The following SHISA9 variants were observed in gnomAD, a reference collection of about 807,000 sequenced individuals.
SHISA9 encodes shisa family member 9.
A neutral mutation model predicts 38.0 loss-of-function variants in SHISA9; 13 were observed. The ratio of observed to expected loss-of-function variants is 0.34; its 90% CI spans 0.22 to 0.54. SHISA9 has a LOEUF of 0.54. SHISA9 is among the 20% of genes least tolerant of loss of function. SHISA9 has a pLI of 0.91. For missense variants in SHISA9, 538 were observed against 575.8 expected, an observed-to-expected ratio of 0.93 and a Z score of 0.67; for synonymous variants, 275 against 242.0, an observed-to-expected ratio of 1.14 and a Z score of -1.27.
At chr16:13,548,532 T>C in the SHISA9 span, among the ~76,000 whole-genome samples, 1 of 152,086 alleles carries the variant, frequency 6.6e-6, no homozygotes, top group Non-Finnish European at 1.5e-5. Flanking sequence ...AGTATTCTAA[T>C]TAAAAAGGGG....
At chr16:13,325,264 T>C in the SHISA9 span, among the ~76,000 whole-genome samples, 3 of 152,228 alleles carry the variant, frequency 2.0e-5, no homozygotes, top group Non-Finnish European at 4.4e-5. Flanking sequence ...ACCTGTCGTG[T>C]GTCATGTCAT....
chr16:13,431,596 G>A, the SHISA9 span, among the ~76,000 whole-genome samples: 1 of 152,076 alleles, frequency 6.6e-6, no homozygotes, highest in African/African-American at 2.4e-5. Context: ...ACAATGCCCA[G>A]TGGTCCATTT....
intron 2 of SHISA9, among the ~76,000 whole-genome samples, chr16:13,196,281 C>T (rs1355058498): frequency 1.3e-5 from 2 of 149,676 alleles, no homozygotes; most frequent in African/African-American, 4.9e-5. Flanking sequence ...CCTGTAGTTC[C>T]AGCTACTCGG....
chr16:13,258,782 A>G, the SHISA9 span, among the ~76,000 whole-genome samples: 2 of 152,364 alleles, frequency 1.3e-5, no homozygotes, highest in Non-Finnish European at 2.9e-5. Flanking sequence ...GAAAGAGAAT[A>G]GCATGGGAAA....
chr16:13,366,857 C>T, the SHISA9 span, among the ~76,000 whole-genome samples: 1 of 151,742 alleles, frequency 6.6e-6, no homozygotes, highest in African/African-American at 2.4e-5. Context: ...GTGGCACATG[C>T]CTGTAATCCT....
the SHISA9 span, among the ~76,000 whole-genome samples, chr16:13,306,389 A>C: frequency 6.6e-6 from 1 of 152,186 alleles, no homozygotes; most frequent in Admixed American, 6.5e-5. Flanking sequence ...GATCTCGGTC[A>C]TGTGCCATAC....
intron 2 of SHISA9, among the ~76,000 whole-genome samples, chr16:13,101,867 CTAAA>C (rs2073882260): frequency 6.6e-6 from 1 of 152,128 alleles, no homozygotes; most frequent in African/African-American, 2.4e-5. Flanking sequence ...TCAATTAAAA[CTAAA>C]TAAATAAATA....
chr16:12,915,151 A>C (rs773149353), intron 1 of SHISA9, among the ~76,000 whole-genome samples: 2 of 152,172 alleles, frequency 1.3e-5, no homozygotes. Flanking sequence ...TCTGTGGTAC[A>C]GAGGAGGCCG....
At chr16:13,363,343 G>A in the SHISA9 span, among the ~76,000 whole-genome samples, 5 of 152,188 alleles carry the variant, frequency 3.3e-5, no homozygotes, top group African/African-American at 7.2e-5. Flanking sequence ...TTCGTTTGCC[G>A]TTTTATTCCA....
At chr16:13,335,874 A>G in the SHISA9 span, among the ~76,000 whole-genome samples, 1 of 152,182 alleles carries the variant, frequency 6.6e-6, no homozygotes, top group African/African-American at 2.4e-5. Context: ...TACAGAAGAA[A>G]TGGAGACATA....
chr16:13,019,929 TTC>T (rs2072823061), intron 2 of SHISA9, among the ~76,000 whole-genome samples: 3 of 93,570 alleles, frequency 3.2e-5, no homozygotes, highest in Non-Finnish European at 4.8e-5. Flanking sequence ...CTTTCTTTCT[TTC>T]TTTCTTTCTT....
At chr16:13,039,675 A>G (rs2073112505) in intron 2 of SHISA9, among the ~76,000 whole-genome samples, 1 of 152,078 alleles carries the variant, frequency 6.6e-6, no homozygotes, top group African/African-American at 2.4e-5. Context: ...TATGAGGTTT[A>G]TTTTTCCTCT....
At chr16:13,562,026 T>C in the SHISA9 span, among the ~76,000 whole-genome samples, 90,601 of 152,082 alleles carry the variant, frequency 0.6, 27,452 homozygotes, top group East Asian at 0.86. Context: ...GTGATGGCCT[T>C]GTCCTCACCT....
chr16:13,298,796 C>G, the SHISA9 span, among the ~76,000 whole-genome samples: 1 of 152,206 alleles, frequency 6.6e-6, no homozygotes, highest in Admixed American at 6.5e-5. Flanking sequence ...GGGCTTGAAA[C>G]TTCACTCTCA....
chr16:12,964,677 A>G (rs1293452782), intron 2 of SHISA9, among the ~76,000 whole-genome samples: 2 of 152,022 alleles, frequency 1.3e-5, no homozygotes, highest in Non-Finnish European at 2.9e-5. Flanking sequence ...GATTGCCAAG[A>G]CTTTTGTAGA....
chr16:12,916,931 A>G, intron 2 of SHISA9, 116 bp downstream of exon 2: 1 of 1,188,932 alleles, frequency 8.4e-7, no homozygotes, highest in Admixed American at 3.2e-5. Context: ...TGGGCAAGTT[A>G]GAAGCTTTCT....
the SHISA9 span, among the ~76,000 whole-genome samples, chr16:13,451,177 C>T: frequency 2.0e-5 from 3 of 152,162 alleles, no homozygotes; most frequent in South Asian, 2.1e-4. Flanking sequence ...GTCTGAGGTG[C>T]GTGTTCCATG....
Position 12,902,150 on chromosome 16 carries a change from A to G in SHISA9, c.86A>G (p.His29Arg). 1 of 1,512,158 alleles carries G rather than the reference A, an allele frequency of 6.6e-7. No homozygotes were observed. The highest frequency in any genetic ancestry group is 8.8e-7 in the Non-Finnish European group (1 of 1,135,218). The allele number at this position is 1,512,158 out of a possible 1,614,324, so 93.7% of individuals were successfully genotyped here. A position where few individuals can be genotyped will look rare whatever the true frequency, so the allele number is the denominator to read the frequency against. ...TGCCGGGCGCAGGAGCGAGCGGGAC[A>G]CGGGCAGCTGGCGCAACTGGGCGGC... ...RVCRAQERAG[H>R]GQLAQLGGVL... The change falls in exon 1 of 5, where the codon CAC becomes CGC. Residue 29 changes from histidine to arginine, a missense_variant. Coordinates refer to ENST00000558583, the MANE Select transcript of SHISA9 (RefSeq NM_001145204.3).
the SHISA9 span, among the ~76,000 whole-genome samples, chr16:13,543,953 C>A: frequency 6.6e-6 from 1 of 152,104 alleles, no homozygotes; most frequent in African/African-American, 2.4e-5. Flanking sequence ...TTAAAATGTT[C>A]TGGCTCCTTG....
Sources: gnomAD v4.1 joint callset for allele counts (sites outside exome capture counted in the v4.1 genomes callset) on GRCh38, gnomAD v4.1.1 for gene constraint, MANE v1.5 for transcripts, NCBI Gene and HGNC (gene_info 2026-07-23, HGNC 2026-07-21) for gene names.